Variants in U2SURP observed in about 807,000 individuals in gnomAD.
The protein encoded by U2SURP is U2 snRNP associated SURP domain containing.
In U2SURP, 9 loss-of-function variants were observed where a neutral mutation model predicts 144.9. The observed-to-expected ratio is 0.06, with a 90% CI of 0.04 to 0.11. U2SURP has a LOEUF of 0.11. Ranked by LOEUF, U2SURP falls within the 10% of genes least tolerant of loss-of-function variation. U2SURP has a pLI of 1.00. For synonymous variants in U2SURP, 408 were observed against 396.8 expected, an observed-to-expected ratio of 1.03 and a Z score of -0.33; for missense variants, 724 against 1,226.7, an observed-to-expected ratio of 0.59 and a Z score of 6.12.
At chr3:143,026,790 A>G (rs1933177791) in intron 13 of U2SURP, 2 of 158,384 alleles carry the variant, frequency 1.3e-5, no homozygotes, top group African/African-American at 4.8e-5. Flanking sequence ...TGCAGGCTCT[A>G]AGTTACTGAT....
chr3:143,024,077 T>G, intron 13 of U2SURP, 59 bp downstream of exon 13: 1 of 1,474,852 alleles, frequency 6.8e-7, no homozygotes. Flanking sequence ...CTTCTGAATT[T>G]AAAAAGAAAT....
intron 7 of U2SURP, 22 bp downstream of exon 7, chr3:143,020,058 ATAAC>A: frequency 7.1e-7 from 1 of 1,407,578 alleles, no homozygotes; most frequent in African/African-American, 1.5e-5. Flanking sequence ...AGTGTGGAGA[ATAAC>A]TATCATAGGT....
At chr3:143,016,136 G>A in intron 4 of U2SURP, 121 bp from the exon 5 acceptor site, 1 of 725,072 alleles carries the variant, frequency 1.4e-6, no homozygotes, top group South Asian at 1.8e-5. Flanking sequence ...GTTATTACTT[G>A]TTAGGACTGC....
intron 18 of U2SURP, 134 bp from the exon 19 acceptor site, chr3:143,034,754 C>G (rs1933718002): frequency 1.7e-6 from 1 of 600,292 alleles, no homozygotes; most frequent in Non-Finnish European, 2.9e-6. Flanking sequence ...GTTTAAACAC[C>G]TAGTTTTTGA....
At position 143,036,808 on chromosome 3, in the gene U2SURP, C is replaced by T. The variant is rs562159635; in HGVS notation, c.2065-371C>T. On this transcript the variant is annotated intron_variant, in intron 20 of 27. Transcript: ENST00000473835. ...TTAGTATGCTAATAGTATGATACGC[C>T]CTTTTGCTGTAGCAGTTACCATAGT... The T allele has an allele frequency of 1.7e-3, 321 of 185,960 alleles. 3 individuals are homozygous for T. Among genetic ancestry groups the T allele is most frequent in the African/African-American group, 7.2e-3 (304 of 42,374 alleles). The allele number at this position is 185,960 out of a possible 1,614,324, so 11.5% of individuals were successfully genotyped here.
intron 24 of U2SURP, among the ~76,000 whole-genome samples, chr3:143,047,746 G>T (rs575885356): frequency 1.3e-5 from 1 of 76,632 alleles, no homozygotes; most frequent in African/African-American, 5.2e-5. Flanking sequence ...CTGGCCGGGC[G>T]GGGGGCTGAC....
In U2SURP at chr3:143,022,486, CT is replaced by C; in HGVS notation, c.853-6del. ...TTTTGCATAATAAAAATCTTTTACC[CT>C]TTTTAATAGATGAATGAAGAAATGC... is the stretch of plus-strand genomic sequence containing the variant. On this transcript the variant is annotated splice_polypyrimidine_tract_variant and intron_variant, in intron 10 of 27. Coordinates refer to ENST00000473835, the MANE Select transcript of U2SURP (RefSeq NM_001080415.2). The C allele has an allele frequency of 6.6e-7, 1 of 1,518,924 alleles. No individual in the cohort carries two copies. The highest frequency in any genetic ancestry group is 8.8e-7 in the Non-Finnish European group (1 of 1,131,878). 94.1% of individuals were successfully genotyped at this position (1,518,924 alleles called of 1,614,324 possible).
intron 25 of U2SURP, among the ~76,000 whole-genome samples, chr3:143,051,689 A>G (rs1163683495): frequency 6.6e-6 from 1 of 151,976 alleles, no homozygotes; most frequent in East Asian, 1.9e-4. Flanking sequence ...GGGAACTTAC[A>G]ATCACTATAA....
chr3:143,013,243 C>G (rs1025708384), intron 3 of U2SURP, among the ~76,000 whole-genome samples: 28 of 151,908 alleles, frequency 1.8e-4, no homozygotes, highest in African/African-American at 6.0e-4. Flanking sequence ...TATAATTTTG[C>G]CACTTGTTTA....
At chr3:143,055,902 G>T (rs543168748) in intron 27 of U2SURP, among the ~76,000 whole-genome samples, 1 of 152,256 alleles carries the variant, frequency 6.6e-6, no homozygotes, top group Admixed American at 6.5e-5. Flanking sequence ...AAACTTCAAA[G>T]CTGCTGTGTT....
At position 143,022,989 on chromosome 3, in the gene U2SURP, G is replaced by A. The variant is rs773510965; in HGVS notation, c.1155G>A (p.Ala385=). The change falls in exon 12 of 28, where the codon GCG becomes GCA. Residue 385 remains alanine, a synonymous_variant. Coordinates refer to ENST00000473835, the MANE Select transcript of U2SURP (RefSeq NM_001080415.2). ...PPPPSGLPFN[A]QPRERLKNPN... ...CTCCATCCGGACTGCCTTTTAATGC[G>A]CAGCCTAGAGAGCGGTTAAAAAACC... 1 of 1,611,460 alleles carries A rather than the reference G, an allele frequency of 6.2e-7. No individual in the cohort carries two copies. The highest frequency in any genetic ancestry group is 8.5e-7 in the Non-Finnish European group (1 of 1,178,750).
At chr3:143,028,178 G>A (rs995085811) in intron 14 of U2SURP, among the ~76,000 whole-genome samples, 162 bp from the exon 15 acceptor site, 1 of 152,166 alleles carries the variant, frequency 6.6e-6, no homozygotes. Flanking sequence ...AAGGAATGGG[G>A]ATAGGTAGCG....
intron 24 of U2SURP, among the ~76,000 whole-genome samples, chr3:143,045,310 A>G (rs973406859): frequency 6.7e-6 from 1 of 149,006 alleles, no homozygotes; most frequent in Non-Finnish European, 1.5e-5. Context: ...CGGAGCTTGC[A>G]GTGAGCCAAG....
intron 8 of U2SURP, among the ~76,000 whole-genome samples, chr3:143,020,895 T>C (rs1293586904): frequency 6.6e-6 from 1 of 151,636 alleles, no homozygotes; most frequent in East Asian, 1.9e-4. Flanking sequence ...CAATAAGTAA[T>C]AGAACAATTA....
intron 2 of U2SURP, chr3:143,011,984 T>G: frequency 1.6e-6 from 1 of 625,610 alleles, no homozygotes; most frequent in Non-Finnish European, 3.0e-6. Flanking sequence ...AACCTGTTAC[T>G]TCAAGGAAAA....
chr3:143,041,076 T>C lies in U2SURP; in HGVS notation c.2385-2041T>C, dbSNP rs1486139533. On this transcript the variant is annotated intron_variant, in intron 23 of 27. Transcript: ENST00000473835. ...AATATTTGAAATTGCAAAAAAAAAT[T>C]AGAAAAAATTTTACAGGCTAGAATT... is the stretch of plus-strand genomic sequence containing the variant. 2.6e-5 allele frequency among the ~76,000 whole-genome samples: 4 copies of C among 151,906 alleles called. No homozygotes were observed. In the East Asian group the frequency reaches 7.7e-4, roughly 29 times the overall value.
chr3:143,047,091 G>A (rs1934527272), intron 24 of U2SURP, among the ~76,000 whole-genome samples: 1 of 114,438 alleles, frequency 8.7e-6, no homozygotes, highest in Non-Finnish European at 1.8e-5. Context: ...TGGCCGGGCA[G>A]AGGGGCTCCT....
Position 143,016,375 on chromosome 3 carries a change from A to G in U2SURP, c.436+4A>G, listed in dbSNP as rs1464390251. 1.1e-5 allele frequency: 17 copies of G among 1,610,462 alleles called. No individual in the cohort carries two copies. Among genetic ancestry groups the G allele is most frequent in the Non-Finnish European group, 1.4e-5 (17 of 1,177,248 alleles). Reference sequence around the variant, plus strand: ...GGTGTTGTTAATGCAGCTAAAGGTAAGTTTATAAAGTATAACTGCTAATAA... The same window carrying G: ...GGTGTTGTTAATGCAGCTAAAGGTAGGTTTATAAAGTATAACTGCTAATAA... On this transcript the variant is annotated splice_donor_region_variant and intron_variant, in intron 5 of 27. Transcript: ENST00000473835.
intron 24 of U2SURP, 68 bp downstream of exon 24, chr3:143,043,344 C>T: frequency 6.7e-7 from 1 of 1,484,970 alleles, no homozygotes; most frequent in Non-Finnish European, 9.1e-7. Context: ...AACTAAGTTG[C>T]CTCTTTGCAT....
Sources: allele counts gnomAD v4.1 joint callset (sites outside exome capture counted in the v4.1 genomes callset), GRCh38; gene constraint gnomAD v4.1.1; transcripts MANE v1.5; gene names NCBI Gene and HGNC (gene_info 2026-07-23, HGNC 2026-07-21).